TMEM231: variants seen among roughly 807,000 people sequenced by gnomAD.
TMEM231 encodes transmembrane protein 231.
A neutral mutation model predicts 38.5 loss-of-function variants in TMEM231; 40 were observed. The observed-to-expected ratio is 1.04, with a 90% confidence interval of 0.81 to 1.35. TMEM231 has a LOEUF of 1.35. Ranked by LOEUF, TMEM231 falls within the 40% of genes most tolerant of loss-of-function variation. The pLI is 0.00. For missense variants in TMEM231, 420 were observed against 416.9 expected (o/e 1.01, Z -0.07); for synonymous variants, 199 against 181.7 (o/e 1.10, Z -0.77).
At chr16:75,547,837 A>T (rs773345779) in intron 2 of TMEM231, among the ~76,000 whole-genome samples, 5 of 152,148 alleles carry the variant, frequency 3.3e-5, no homozygotes, top group Non-Finnish European at 5.9e-5. Flanking sequence ...GATTTTCTTC[A>T]ATTGGGATCT....
chr16:75,542,657 G>A lies in TMEM231; in HGVS notation c.609C>T (p.Pro203=). Residue 203 remains proline (P), a synonymous_variant, in exon 5 of 7, where the codon CCC becomes CCT. Transcript: ENST00000258173. The stretch of plus-strand genomic sequence containing the variant: ...GGGTGAGGTCGTAGTCATAGGCAAA[G>A]GGGCTGGTCCCGTTGATCACGGATA... ...YNISVINGTS[P]FAYDYDLTHI... is the part of the protein sequence containing the mutation. 1 of 1,613,918 alleles carries A rather than the reference G, an allele frequency of 6.2e-7. No homozygotes were observed.
intron 2 of TMEM231, among the ~76,000 whole-genome samples, chr16:75,547,262 C>T (rs11149840): frequency 0.17 from 25,437 of 152,110 alleles, 2,254 homozygotes; most frequent in Middle Eastern, 0.22. Context: ...ATTACTATTA[C>T]GTAAGGAAGA....
At chr16:75,550,203 C>T (rs529581756) in intron 2 of TMEM231, among the ~76,000 whole-genome samples, 1 of 152,310 alleles carries the variant, frequency 6.6e-6, no homozygotes, top group South Asian at 2.1e-4. Context: ...AGAGCTGAGC[C>T]TCAGACTTCA....
intron 4 of TMEM231, among the ~76,000 whole-genome samples, chr16:75,544,863 T>G (rs546052368): frequency 1.3e-5 from 2 of 152,098 alleles, no homozygotes; most frequent in East Asian, 3.9e-4. Flanking sequence ...CTCTGTAGTT[T>G]GAAAAAATTC....
chr16:75,555,978 G>C lies in TMEM231; in HGVS notation c.140-5C>G, dbSNP rs2080806146. The C allele has an allele frequency of 6.2e-7, 1 of 1,600,326 alleles. No homozygotes were observed. Among genetic ancestry groups the C allele is most frequent in the South Asian group, 1.1e-5 (1 of 88,858 alleles). On this transcript the variant is annotated splice_polypyrimidine_tract_variant and splice_region_variant and intron_variant, in intron 1 of 6. Coordinates refer to ENST00000258173, the MANE Select transcript of TMEM231 (RefSeq NM_001077418.3). Reference sequence around the variant, plus strand: ...TGCTCCGCTTCAGCCAAAACCCTGAGTTAAAGAGGGCGGTAGGGAGGCGGT... The same window carrying C: ...TGCTCCGCTTCAGCCAAAACCCTGACTTAAAGAGGGCGGTAGGGAGGCGGT...
At position 75,540,495 on chromosome 16, in the gene TMEM231, C is replaced by T. The variant is rs147050697; in HGVS notation, c.771-321G>A. 5.9e-5 allele frequency among the ~76,000 whole-genome samples: 9 copies of T among 152,318 alleles called. No individual in the cohort carries two copies. In the East Asian group the frequency reaches 1.7e-3, roughly 29 times the overall value. On this transcript the variant is annotated intron_variant, in intron 6 of 6. Transcript: ENST00000258173. The stretch of plus-strand genomic sequence containing the variant: ...ATCTTCCAGTTGTGTAAACTTGGAA[C>T]ACCCTTAGCCCCTGCCTAATTGCAC...
rs1383668617 is a variant in TMEM231 at position 75,538,878 on chromosome 16, T to C, written c.*1116A>G. On this transcript the variant is annotated 3_prime_UTR_variant, in exon 7 of 7. Transcript: ENST00000258173. ...GACACTTGCTTAGCCACGAGGGTAA[T>C]CCACTGGACTGCTTGGTATTCTGCT... The C allele has an allele frequency of 1.3e-5, 2 of 152,276 alleles. No individual in the cohort carries two copies. Among genetic ancestry groups the C allele is most frequent in the East Asian group, 3.9e-4 (2 of 5,192 alleles). 9.4% of individuals were successfully genotyped at this position (152,276 alleles called of 1,614,324 possible).
rs540963472 is a variant in TMEM231, at chr16:75,542,519, G to T, written c.664+83C>A. The T allele has an allele frequency of 2.8e-4, 314 of 1,122,398 alleles. 3 individuals carry two copies. The African/African-American group carries it at 4.3e-3, about 15-fold the overall frequency. 69.5% of individuals were successfully genotyped at this position (1,122,398 alleles called of 1,614,324 possible). A position where few individuals can be genotyped will look rare whatever the true frequency, so the allele number is the denominator to read the frequency against. On this transcript the variant is annotated intron_variant, in intron 5 of 6. Transcript: ENST00000258173. ...GGGTTTTGACATTTTCATCACAAGGGTTCCAGTTCTGCTTGTCTCTGTTGC... is the reference window on the plus strand; with the variant it reads ...GGGTTTTGACATTTTCATCACAAGGTTTCCAGTTCTGCTTGTCTCTGTTGC...
chr16:75,543,007 C>T (rs1197334318), intron 4 of TMEM231, among the ~76,000 whole-genome samples: 2 of 152,180 alleles, frequency 1.3e-5, no homozygotes, highest in Non-Finnish European at 2.9e-5. Flanking sequence ...GGGTCAGTGT[C>T]CATGTTTTAC....
Position 75,545,496 on chromosome 16 carries a change from C to T in TMEM231, c.439-1G>A. 6.5e-7 allele frequency: 1 copy of T among 1,548,070 alleles called. No homozygotes were observed. The highest frequency in any genetic ancestry group is 2.3e-5 in the East Asian group (1 of 43,662). ...TCTGCATCACGAGGGTCGCCATCCT[C>T]TGAAATCATTAGAAGGACCAACAAT... On this transcript the variant is annotated splice_acceptor_variant, in intron 3 of 6. Transcript: ENST00000258173. LOFTEE classifies it high-confidence loss of function.
chr16:75,554,173 C>T (rs1025074658), intron 2 of TMEM231, among the ~76,000 whole-genome samples: 3 of 152,140 alleles, frequency 2.0e-5, no homozygotes, highest in Non-Finnish European at 2.9e-5. Context: ...GCTTAGTTTT[C>T]TATGTACTTA....
rs1336887125 is a variant in TMEM231 at position 75,556,234 on chromosome 16, G to T, written c.-25C>A. ...TGAGCACCGCTCGCAGGCACTCCGC[G>T]AGCCGGGGGACCAAGTTTGGCTTCT... On this transcript the variant is annotated 5_prime_UTR_variant, in exon 1 of 7. Transcript: ENST00000258173. The T allele has an allele frequency of 2.2e-6, 3 of 1,394,784 alleles. No individual in the cohort carries two copies. Among genetic ancestry groups the T allele is most frequent in the Non-Finnish European group, 2.8e-6 (3 of 1,079,010 alleles). 86.4% of individuals were successfully genotyped at this position (1,394,784 alleles called of 1,614,324 possible).
intron 5 of TMEM231, among the ~76,000 whole-genome samples, chr16:75,542,274 T>C (rs1284196514): frequency 1.4e-5 from 1 of 71,342 alleles, no homozygotes; most frequent in Non-Finnish European, 2.7e-5. Flanking sequence ...GCATCTGTTA[T>C]AGGTGTGGAT....
chr16:75,551,063 A>G (rs2080755299), intron 2 of TMEM231, among the ~76,000 whole-genome samples: 1 of 152,038 alleles, frequency 6.6e-6, no homozygotes, highest in Non-Finnish European at 1.5e-5. Flanking sequence ...ACCAGTGTCT[A>G]TTTCACCATA....
chr16:75,556,196 T>A lies in TMEM231; in HGVS notation c.14A>T (p.Glu5Val). The change falls in exon 1 of 7, where the codon GAG (glutamate) becomes GTG (valine). Residue 5 changes from glutamate to valine, a missense_variant. Physicochemically the swap from Glu to Val is moderately radical, Grantham distance 121 (BLOSUM62 -2). Transcript: ENST00000258173. Reference sequence around the variant, plus strand: ...GCGCTCGACCGGGTGAGAGAAGAGCTCATAGAGCGCCATGAGCACCGCTCG... The same window carrying A: ...GCGCTCGACCGGGTGAGAGAAGAGCACATAGAGCGCCATGAGCACCGCTCG... The part of the protein sequence containing the change: MALY[E>V]LFSHPVERSY... 2 of 1,477,526 alleles carry A rather than the reference T, an allele frequency of 1.4e-6. No homozygotes were observed. Among genetic ancestry groups the A allele is most frequent in the Middle Eastern group, 1.8e-4 (1 of 5,602 alleles). 91.5% of individuals were successfully genotyped at this position (1,477,526 alleles called of 1,614,324 possible). A position where few individuals can be genotyped will look rare whatever the true frequency, so the allele number is the denominator to read the frequency against.
chr16:75,556,009 A>C, intron 1 of TMEM231, 36 bp from the exon 2 acceptor site: 1 of 1,581,592 alleles, frequency 6.3e-7, no homozygotes, highest in Middle Eastern at 1.7e-4. Flanking sequence ...GCGGTTAGGG[A>C]GGCCGGCCCT....
At chr16:75,544,828 C>T (rs920288019) in intron 4 of TMEM231, among the ~76,000 whole-genome samples, 1 of 151,964 alleles carries the variant, frequency 6.6e-6, no homozygotes, top group Non-Finnish European at 1.5e-5. Context: ...CTCTTCCCTT[C>T]TAGGTGTAAC....
chr16:75,553,063 A>G (rs1244734274), intron 2 of TMEM231, among the ~76,000 whole-genome samples: 2 of 152,208 alleles, frequency 1.3e-5, no homozygotes, highest in African/African-American at 4.8e-5. Flanking sequence ...GCTGTCCAGG[A>G]TGAGCTGACC....
chr16:75,556,221 G>T lies in TMEM231; in HGVS notation c.-12C>A. 7.1e-7 allele frequency: 1 copy of T among 1,399,102 alleles called. No individual in the cohort carries two copies. Among genetic ancestry groups the T allele is most frequent in the South Asian group, 1.6e-5 (1 of 63,208 alleles). The allele number at this position is 1,399,102 out of a possible 1,614,324, so 86.7% of individuals were successfully genotyped here. ...TCATAGAGCGCCATGAGCACCGCTCGCAGGCACTCCGCGAGCCGGGGGACC... is the reference window on the plus strand; with the variant it reads ...TCATAGAGCGCCATGAGCACCGCTCTCAGGCACTCCGCGAGCCGGGGGACC... On this transcript the variant is annotated 5_prime_UTR_variant, in exon 1 of 7. Coordinates refer to ENST00000258173, the MANE Select transcript of TMEM231 (RefSeq NM_001077418.3).
Sources: gnomAD v4.1 joint callset for allele counts (sites outside exome capture counted in the v4.1 genomes callset) on GRCh38, gnomAD v4.1.1 for gene constraint, MANE v1.5 for transcripts, NCBI Gene and HGNC (gene_info 2026-07-23, HGNC 2026-07-21) for gene names.